CLEC16A: variants seen among roughly 807,000 people sequenced by gnomAD.
CLEC16A encodes the protein protein CLEC16A.
In CLEC16A, 51 loss-of-function variants were observed where a neutral mutation model predicts 109.5. That is an observed-to-expected ratio of 0.47 (90% CI 0.37 to 0.59). The LOEUF is 0.59. Among genes scored for constraint, CLEC16A ranks in the 20% least tolerant of loss-of-function variants. CLEC16A has a pLI of 0.00. For synonymous variants in CLEC16A, 673 were observed against 564.2 expected, an observed-to-expected ratio of 1.19 and a Z score of -2.73; for missense variants, 1,339 against 1,394.0, an observed-to-expected ratio of 0.96 and a Z score of 0.63.
chr16:11,101,641 A>G (rs1161688961), intron 19 of CLEC16A, among the ~76,000 whole-genome samples: 2 of 152,206 alleles, frequency 1.3e-5, no homozygotes, highest in Non-Finnish European at 2.9e-5. Flanking sequence ...GTGCCTGGCC[A>G]TGAGCAGTGA....
chr16:11,077,590 T>G (rs1246479392), intron 19 of CLEC16A, among the ~76,000 whole-genome samples: 3 of 151,726 alleles, frequency 2.0e-5, no homozygotes, highest in Non-Finnish European at 2.9e-5. Flanking sequence ...CCTGGGGAGA[T>G]TGAGGCTGTA....
intron 18 of CLEC16A, among the ~76,000 whole-genome samples, chr16:11,053,408 C>T (rs2048050963): frequency 6.6e-6 from 1 of 151,678 alleles, no homozygotes; most frequent in Non-Finnish European, 1.5e-5. Flanking sequence ...TGCTCTGTCA[C>T]CCAGGTTGGA....
At chr16:11,015,417 C>T (rs2045686461) in intron 11 of CLEC16A, among the ~76,000 whole-genome samples, 2 of 152,246 alleles carry the variant, frequency 1.3e-5, no homozygotes, top group Middle Eastern at 3.4e-3. Context: ...GGTTTCTGTG[C>T]ACTCATACTC....
chr16:11,095,734 C>A (rs1393997514), intron 19 of CLEC16A, among the ~76,000 whole-genome samples: 1 of 150,890 alleles, frequency 6.6e-6, no homozygotes, highest in Non-Finnish European at 1.5e-5. Context: ...ATCACTTGAA[C>A]CCAGGAGGCA....
chr16:11,017,000 CG>C (rs34524116), intron 11 of CLEC16A, among the ~76,000 whole-genome samples: 17,892 of 52,284 alleles, frequency 0.34, 1,177 homozygotes, highest in African/African-American at 0.43. Context: ...AATATCGGGG[CG>C]GGGGGGGGGG....
intron 23 of CLEC16A, among the ~76,000 whole-genome samples, chr16:11,176,845 G>A (rs914638243): frequency 4.6e-5 from 7 of 152,168 alleles, no homozygotes; most frequent in African/African-American, 1.4e-4. Context: ...TCTGTCTCTC[G>A]TGCTTTCGCT....
chr16:11,156,811 G>T, intron 22 of CLEC16A: 1 of 539,336 alleles, frequency 1.9e-6, no homozygotes. Flanking sequence ...GAGATTCCAA[G>T]ATCTGGTCCA....
intron 10 of CLEC16A, among the ~76,000 whole-genome samples, chr16:10,996,823 C>T (rs1467929798): frequency 6.6e-6 from 1 of 152,162 alleles, no homozygotes; most frequent in Non-Finnish European, 1.5e-5. Flanking sequence ...TGGCTTCCTG[C>T]GCTTACCTGA....
chr16:10,947,487 A>G (rs1176254124), intron 1 of CLEC16A, among the ~76,000 whole-genome samples: 1 of 152,230 alleles, frequency 6.6e-6, no homozygotes, highest in African/African-American at 2.4e-5. Context: ...CGGGTTCTCC[A>G]AGAATGAACA....
chr16:11,125,904 T>TGGGGG, intron 21 of CLEC16A, 75 bp from the exon 22 acceptor site: 3 of 182,594 alleles, frequency 1.6e-5, no homozygotes, highest in East Asian at 1.3e-4. Flanking sequence ...CACTACGATG[T>TGGGGG]CCCCCCCCCC....
intron 13 of CLEC16A, among the ~76,000 whole-genome samples, chr16:11,026,601 G>A (rs1203379945): frequency 1.4e-5 from 2 of 143,754 alleles, no homozygotes; most frequent in Non-Finnish European, 3.0e-5. Flanking sequence ...CTATTGTTCT[G>A]CTGTTTTTGA....
In CLEC16A at chr16:11,016,978, G is replaced by A. The variant is rs371595645; in HGVS notation, c.1304-3215G>A. Among the ~76,000 whole-genome samples, 12 of 134,854 alleles carry A rather than the reference G, an allele frequency of 8.9e-5. No individual in the cohort carries two copies. In the South Asian group the frequency reaches 1.1e-3, roughly 13 times the overall value. The allele number at this position is 134,854 out of a possible 152,430, so 88.5% of individuals were successfully genotyped here. Reference sequence around the variant, plus strand: ...GTGAGAGTGAACCTCACATAGGGCCGGGGCCCATGTGAATATCGGGGCGGG... The same window carrying A: ...GTGAGAGTGAACCTCACATAGGGCCAGGGCCCATGTGAATATCGGGGCGGG... On this transcript the variant is annotated intron_variant, in intron 11 of 23. Transcript: ENST00000409790.
chr16:11,144,140 C>T (rs965635784), intron 22 of CLEC16A, among the ~76,000 whole-genome samples: 1 of 152,216 alleles, frequency 6.6e-6, no homozygotes, highest in African/African-American at 2.4e-5. Context: ...GGTCATCTCC[C>T]AAGCTACCTT....
intron 23 of CLEC16A, among the ~76,000 whole-genome samples, chr16:11,177,196 G>A (rs763496578): frequency 2.0e-5 from 3 of 152,160 alleles, no homozygotes; most frequent in Admixed American, 6.5e-5. Flanking sequence ...TTAAACACCC[G>A]GCATCTGAAG....
chr16:11,034,893 A>G (rs1486301606), intron 13 of CLEC16A, among the ~76,000 whole-genome samples: 2 of 152,092 alleles, frequency 1.3e-5, no homozygotes, highest in Non-Finnish European at 2.9e-5. Flanking sequence ...CGGGGTATGC[A>G]TGCGTGTGTG....
intron 23 of CLEC16A, 105 bp downstream of exon 23, chr16:11,166,657 G>A (rs1597617073): frequency 1.7e-6 from 2 of 1,176,388 alleles, no homozygotes; most frequent in Non-Finnish European, 2.3e-6. Flanking sequence ...CACAGCACTT[G>A]AAGGATGATG....
intron 23 of CLEC16A, among the ~76,000 whole-genome samples, chr16:11,175,551 TC>T (rs749572252): frequency 3.3e-5 from 5 of 152,228 alleles, no homozygotes; most frequent in Non-Finnish European, 7.3e-5. Context: ...TTCTCCTTTT[TC>T]ACCTGCCTTG....
intron 19 of CLEC16A, among the ~76,000 whole-genome samples, chr16:11,086,607 A>C (rs2050023019): frequency 6.6e-6 from 1 of 152,038 alleles, no homozygotes; most frequent in Non-Finnish European, 1.5e-5. Context: ...CAGTGTCGCT[A>C]TCTCTGCTCA....
At chr16:10,989,859 C>T (rs1223255391) in intron 10 of CLEC16A, among the ~76,000 whole-genome samples, 1 of 152,312 alleles carries the variant, frequency 6.6e-6, no homozygotes, top group African/African-American at 2.4e-5. Context: ...CTTAGCTCCC[C>T]TGGTCGCTGC....
Sources: gnomAD v4.1 joint callset for allele counts (sites outside exome capture counted in the v4.1 genomes callset) on GRCh38, gnomAD v4.1.1 for gene constraint, MANE v1.5 for transcripts, NCBI Gene and HGNC (gene_info 2026-07-23, HGNC 2026-07-21) for gene names.